The following CYC1 variants were observed in gnomAD, a reference collection of about 807,000 sequenced individuals.
The protein encoded by CYC1 is cytochrome c1, also known as cytochrome c1, heme protein, mitochondrial.
In CYC1, 10 loss-of-function variants were observed where a neutral mutation model predicts 33.8. The observed-to-expected ratio is 0.30, with a 90% confidence interval of 0.18 to 0.50. The LOEUF (loss-of-function observed/expected upper bound fraction) is 0.50. Ranked by LOEUF, CYC1 falls within the 20% of genes least tolerant of loss-of-function variation. The pLI is 0.98. For missense variants in CYC1, 459 were observed against 437.6 expected, an observed-to-expected ratio of 1.05 and a Z score of -0.44; for synonymous variants, 224 against 181.9, an observed-to-expected ratio of 1.23 and a Z score of -1.86.
In CYC1 at chr8:144,097,020, T is replaced by G. The variant is rs1836176073; in HGVS notation, c.773-14T>G. 1 of 1,593,162 alleles carries G rather than the reference T, an allele frequency of 6.3e-7. No individual in the cohort carries two copies. Among genetic ancestry groups the G allele is most frequent in the Non-Finnish European group, 8.6e-7 (1 of 1,167,390 alleles). On this transcript the variant is annotated splice_polypyrimidine_tract_variant and intron_variant, in intron 5 of 6. Transcript: ENST00000318911. ...TGAGCCTGAGAATAGCCCTCACTGC[T>G]TGTCGTTGGCCAGGCACCCCAGCTA...
rs538272583 is a variant in CYC1, at chr8:144,095,949, G to C, written c.246G>C (p.Val82=). 6.2e-7 allele frequency: 1 copy of C among 1,608,498 alleles called. No individual in the cohort carries two copies. Among genetic ancestry groups the C allele is most frequent in the South Asian group, 1.1e-5 (1 of 91,072 alleles). Residue 82 remains valine (V), a synonymous_variant, in exon 2 of 7, where the codon GTG becomes GTC. Transcript: ENST00000318911. The part of the protein sequence containing the change: ...AGLAMALHSA[V]SASDLELHPP... ...TGGCCATGGCTCTGCATTCGGCTGTGAGTGCCAGTGACCTGGAGCTGCACC... is the reference window on the plus strand; with the variant it reads ...TGGCCATGGCTCTGCATTCGGCTGTCAGTGCCAGTGACCTGGAGCTGCACC...
chr8:144,097,412 C>G lies in CYC1; in HGVS notation c.*76C>G. On this transcript the variant is annotated 3_prime_UTR_variant, in exon 7 of 7. Transcript: ENST00000318911. ...AGAGCCATCCCAGGCCTGTTCAGGCCTCAGCTAAGCCTCTCTTCATCTGGA... is the reference window on the plus strand; with the variant it reads ...AGAGCCATCCCAGGCCTGTTCAGGCGTCAGCTAAGCCTCTCTTCATCTGGA... 2.4e-6 allele frequency: 3 copies of G among 1,242,254 alleles called. No individual in the cohort carries two copies. The highest frequency in any genetic ancestry group is 3.5e-6 in the Non-Finnish European group (3 of 860,574). The allele number at this position is 1,242,254 out of a possible 1,614,324, so 77.0% of individuals were successfully genotyped here. A position where few individuals can be genotyped will look rare whatever the true frequency, so the allele number is the denominator to read the frequency against.
At chr8:144,096,768 T>C (rs575935447) in intron 5 of CYC1, 24 bp downstream of exon 5, 1 of 19,818 alleles carries the variant, frequency 5.0e-5, no homozygotes, top group South Asian at 1.7e-3. Flanking sequence ...AGTCTGGCAG[T>C]GGGCATGTGG....
Position 144,096,212 on chromosome 8 carries a change from T to C in CYC1, c.415T>C (p.Cys139Arg), listed in dbSNP as rs1173272756. ...FVAYRHLVGV[C>R]YTEDEAKELA... is the part of the protein sequence containing the mutation. ...GGCCTACCGCCACCTGGTGGGCGTG[T>C]GCTACACGGAGGATGAAGCTAAGGA... Residue 139 changes from cysteine to arginine, a missense_variant, in exon 3 of 7, where the codon TGC (cysteine) becomes CGC (arginine). By Grantham distance (180) the Cys-to-Arg change is radical. Coordinates refer to ENST00000318911, the MANE Select transcript of CYC1 (RefSeq NM_001916.5). 6.2e-7 allele frequency: 1 copy of C among 1,613,974 alleles called. No homozygotes were observed. Among genetic ancestry groups the C allele is most frequent in the Non-Finnish European group, 8.5e-7 (1 of 1,180,004 alleles).
intron 5 of CYC1, 87 bp from the exon 6 acceptor site, chr8:144,096,947 G>C: frequency 2.3e-6 from 3 of 1,283,166 alleles, no homozygotes; most frequent in Admixed American, 2.0e-5. Flanking sequence ...GCCTTGGGTA[G>C]GGGCAGTGTC....
Position 144,096,232 on chromosome 8 carries a change from T to A in CYC1, c.435T>A (p.Ala145=). Residue 145 remains alanine, a synonymous_variant, in exon 3 of 7, where the codon GCT becomes GCA. Coordinates refer to ENST00000318911, the MANE Select transcript of CYC1 (RefSeq NM_001916.5). ...GCGTGTGCTACACGGAGGATGAAGC[T>A]AAGGAGCTGGCTGCGGAGGTGTGGG... ...LVGVCYTEDE[A]KELAAEVEVQ... 1 of 1,613,810 alleles carries A rather than the reference T, an allele frequency of 6.2e-7. No homozygotes were observed. Among genetic ancestry groups the A allele is most frequent in the Non-Finnish European group, 8.5e-7 (1 of 1,179,922 alleles).
In CYC1 at chr8:144,097,250, C is replaced by T; in HGVS notation, c.892C>T (p.Leu298=). 2 of 1,614,142 alleles carry T rather than the reference C, an allele frequency of 1.2e-6. No individual in the cohort carries two copies. The highest frequency in any genetic ancestry group is 8.5e-7 in the Non-Finnish European group (1 of 1,180,026). Reference sequence around the variant, plus strand: ...TCTGCAGATGTTGATGATGATGGCTCTGCTGGTGCCCCTGGTCTACACCAT... The same window carrying T: ...TCTGCAGATGTTGATGATGATGGCTTTGCTGGTGCCCCTGGTCTACACCAT... The part of the protein sequence containing the change: ...MGLKMLMMMA[L]LVPLVYTIKR... The change falls in exon 7 of 7, where the codon CTG becomes TTG. Residue 298 remains leucine (L), a synonymous_variant. Coordinates refer to ENST00000318911, the MANE Select transcript of CYC1 (RefSeq NM_001916.5).
intron 5 of CYC1, 51 bp downstream of exon 5, chr8:144,096,795 C>A (rs746653520): frequency 7.8e-7 from 1 of 1,281,170 alleles, no homozygotes; most frequent in Non-Finnish European, 1.1e-6. Context: ...TCTCCACTAC[C>A]CCCAGGGATG....
rs767379790 is a variant in CYC1 at position 144,097,203 on chromosome 8, TCC to T, written c.874-27_874-26del. ...GGAGCTGGGCAGGGCTCCTCCCCAC[TCC>T]CTTCTCTGAGCCTTCCTTGTCTGCA... On this transcript the variant is annotated intron_variant, in intron 6 of 6. Coordinates refer to ENST00000318911, the MANE Select transcript of CYC1 (RefSeq NM_001916.5). 6.6e-5 allele frequency: 106 copies of T among 1,611,238 alleles called. No individual in the cohort carries two copies. In the South Asian group the frequency reaches 1.1e-3, roughly 17 times the overall value.
rs1299133523 is a variant in CYC1 at position 144,097,499 on chromosome 8, T to C, written c.*163T>C. The C allele has an allele frequency of 1.7e-6, 1 of 604,744 alleles. No individual in the cohort carries two copies. The highest frequency in any genetic ancestry group is 1.9e-5 in the African/African-American group (1 of 53,924). The allele number at this position is 604,744 out of a possible 1,614,324, so 37.5% of individuals were successfully genotyped here. A position where few individuals can be genotyped will look rare whatever the true frequency, so the allele number is the denominator to read the frequency against. On this transcript the variant is annotated 3_prime_UTR_variant, in exon 7 of 7. Transcript: ENST00000318911. ...CTGGGCCCTCCTTCAGCCCCCATCA[T>C]GGGAATAAATTAATTTTCTCAATGT... is the stretch of plus-strand genomic sequence containing the variant.
intron 4 of CYC1, 34 bp downstream of exon 4, chr8:144,096,528 G>T: frequency 6.2e-7 from 1 of 1,614,064 alleles, no homozygotes; most frequent in Non-Finnish European, 8.5e-7. Context: ...GTGCTGGAGA[G>T]ATGGGGGAAG....
rs1836168126 is a variant in CYC1, at chr8:144,096,826, C to T, written c.772+82C>T. On this transcript the variant is annotated intron_variant, in intron 5 of 6. Coordinates refer to ENST00000318911, the MANE Select transcript of CYC1 (RefSeq NM_001916.5). ...GGATGCTTTCCCTGTGTTCCTGGGT[C>T]CAGGAGGTCCTGCCCACTTCTTGTC... 2.7e-6 allele frequency: 4 copies of T among 1,490,948 alleles called. No individual in the cohort carries two copies. The Admixed American group carries it at 5.3e-5, about 20-fold the overall frequency. 92.4% of individuals were successfully genotyped at this position (1,490,948 alleles called of 1,614,324 possible). A position where few individuals can be genotyped will look rare whatever the true frequency, so the allele number is the denominator to read the frequency against.
chr8:144,095,913 G>A lies in CYC1; in HGVS notation c.210G>A (p.Gly70=). The A allele has an allele frequency of 6.2e-7, 1 of 1,609,436 alleles. No individual in the cohort carries two copies. Among genetic ancestry groups the A allele is most frequent in the Non-Finnish European group, 8.5e-7 (1 of 1,179,884 alleles). ...MLSALGMLAA[G]GAGLAMALHS... ...CAGCGCTGGGCATGCTGGCGGCAGG[G>A]GGTGCGGGGCTGGCCATGGCTCTGC... The change falls in exon 2 of 7, where the codon GGG becomes GGA. Residue 70 remains glycine (G), a synonymous_variant. Coordinates refer to ENST00000318911, the MANE Select transcript of CYC1 (RefSeq NM_001916.5).
rs538330029 is a variant in CYC1, at chr8:144,096,113, C to T, written c.327-11C>T. The T allele has an allele frequency of 1.4e-5, 23 of 1,611,354 alleles. No individual in the cohort carries two copies. In the South Asian group the frequency reaches 2.2e-4, roughly 15 times the overall value. ...AATCTTCAGCTTTCCTAACCCTTTCCCTCCCTCCAGCATCCGGAGGGGTTT... is the reference window on the plus strand; with the variant it reads ...AATCTTCAGCTTTCCTAACCCTTTCTCTCCCTCCAGCATCCGGAGGGGTTT... On this transcript the variant is annotated splice_polypyrimidine_tract_variant and intron_variant, in intron 2 of 6. Transcript: ENST00000318911.
At chr8:144,095,783 CAGGTA>C in intron 1 of CYC1, 45 bp from the exon 2 acceptor site, 1 of 1,579,544 alleles carries the variant, frequency 6.3e-7, no homozygotes, top group Non-Finnish European at 8.5e-7. Flanking sequence ...GTCAGATCCC[CAGGTA>C]GGGCTGGGTG....
chr8:144,095,377 G>C (rs376852608), intron 1 of CYC1, 149 bp downstream of exon 1: 4 of 676,056 alleles, frequency 5.9e-6, no homozygotes, highest in Non-Finnish European at 8.1e-6. Context: ...GACCTTGAGC[G>C]TGTGGGATCA....
In CYC1 at chr8:144,095,715, G is replaced by T. The variant is rs1836135600; in HGVS notation, c.130-118G>T. On this transcript the variant is annotated intron_variant, in intron 1 of 6. Coordinates refer to ENST00000318911, the MANE Select transcript of CYC1 (RefSeq NM_001916.5). ...GATGGGGTGGGTAGTGGGACAGGGT[G>T]TGCGTCTGGTGCCCTGCAGGAGGAG... 2.2e-5 allele frequency: 23 copies of T among 1,040,922 alleles called. No individual in the cohort carries two copies. The South Asian group carries it at 2.8e-4, about 12-fold the overall frequency. 64.5% of individuals were successfully genotyped at this position (1,040,922 alleles called of 1,614,324 possible). A position where few individuals can be genotyped will look rare whatever the true frequency, so the allele number is the denominator to read the frequency against.
chr8:144,096,346 CAAGACGGCCCCA>C lies in CYC1; in HGVS notation c.465_476del (p.Gln155_Asn159delinsHis). 1 of 1,610,322 alleles carries C rather than the reference CAAGACGGCCCCA, an allele frequency of 6.2e-7. No individual in the cohort carries two copies. Among genetic ancestry groups the C allele is most frequent in the South Asian group, 1.1e-5 (1 of 90,904 alleles). On this transcript the variant is annotated inframe_deletion, in exon 4 of 7. Transcript: ENST00000318911. The stretch of plus-strand genomic sequence containing the variant: ...AGGCTCTCGGTGGCAGGTGGAGGTT[CAAGACGGCCCCA>C]ATGAAGATGGGGAGATGTTCATGCG...
chr8:144,096,757 CAGTCT>C lies in CYC1; in HGVS notation c.772+14_772+18del. 3.2e-6 allele frequency: 3 copies of C among 940,710 alleles called. No individual in the cohort carries two copies. The highest frequency in any genetic ancestry group is 4.6e-6 in the Non-Finnish European group (3 of 651,538). The allele number at this position is 940,710 out of a possible 1,614,324, so 58.3% of individuals were successfully genotyped here. ...GAGTTTGACGATGGTAAGAGGCCTC[CAGTCT>C]GGCAGTGGGCATGTGGAATACTTCT... is the stretch of plus-strand genomic sequence containing the variant. On this transcript the variant is annotated intron_variant, in intron 5 of 6. Transcript: ENST00000318911.
Sources: allele counts gnomAD v4.1 joint callset, GRCh38; gene constraint gnomAD v4.1.1; transcripts MANE v1.5; gene names NCBI Gene and HGNC (gene_info 2026-07-23, HGNC 2026-07-21).